Variants in XPNPEP3 observed in about 807,000 individuals in gnomAD.
XPNPEP3 encodes the protein xaa-Pro aminopeptidase 3.
Under a neutral mutation model 60.0 loss-of-function variants are expected in XPNPEP3, and 41 were observed. The ratio of observed to expected loss-of-function variants is 0.68; its 90% CI spans 0.53 to 0.89. The LOEUF (loss-of-function observed/expected upper bound fraction) is 0.89, where lower values mean the gene tolerates loss of function less well. Ranked by LOEUF, XPNPEP3 falls within the 40% of genes least tolerant of loss-of-function variation. The pLI is 0.00. For missense variants in XPNPEP3, 598 were observed against 638.9 expected (o/e 0.94, Z 0.69); for synonymous variants, 212 against 223.2 (o/e 0.95, Z 0.45).
rs1241734420 is a variant in XPNPEP3 at position 40,926,464 on chromosome 22, G to A, written c.*29G>A. 6.2e-7 allele frequency: 1 copy of A among 1,613,648 alleles called. No homozygotes were observed. The highest frequency in any genetic ancestry group is 8.5e-7 in the Non-Finnish European group (1 of 1,179,912). On this transcript the variant is annotated 3_prime_UTR_variant, in exon 10 of 10. Coordinates refer to ENST00000357137, the MANE Select transcript of XPNPEP3 (RefSeq NM_022098.4). ...TCACTGCGGCCCACATGCACCTCAG[G>A]TTCAAAATGGGTGTCTTCTGGCAGC...
Position 40,869,114 on chromosome 22 carries a change from A to C in XPNPEP3, c.180A>C (p.Pro60=). ...SPFTHPHLLR[P]GEVTPGLSQV... ...TTACACACCCACACCTCCTCAGACCAGGTAAGGCCTTTTAACTGTGCTATC... is the reference window on the plus strand; with the variant it reads ...TTACACACCCACACCTCCTCAGACCCGGTAAGGCCTTTTAACTGTGCTATC... Residue 60 remains proline, a splice_region_variant and synonymous_variant, in exon 2 of 10, where the codon CCA becomes CCC. Coordinates refer to ENST00000357137, the MANE Select transcript of XPNPEP3 (RefSeq NM_022098.4). The C allele has an allele frequency of 6.2e-7, 1 of 1,613,066 alleles. No individual in the cohort carries two copies. Among genetic ancestry groups the C allele is most frequent in the Middle Eastern group, 1.6e-4 (1 of 6,062 alleles).
chr22:40,886,423 CG>C lies in XPNPEP3; in HGVS notation c.704del (p.Gly235ValfsTer5). On this transcript the variant is annotated frameshift_variant, in exon 4 of 10. Transcript: ENST00000357137. LOFTEE classifies it high-confidence loss of function. The stretch of plus-strand genomic sequence containing the variant: ...CAAAGCCAAGAGCAAGAACAAGGTT[CG>C]GGGTGTTCAGCAGCTGATACAGCGC... ...EAKAKSKNKV[R>X]GVQQLIQRLR... 6.2e-7 allele frequency: 1 copy of C among 1,614,158 alleles called. No homozygotes were observed. The highest frequency in any genetic ancestry group is 1.3e-5 in the African/African-American group (1 of 75,050).
At chr22:40,914,093 G>T (rs2058186291) in intron 6 of XPNPEP3, 146 bp from the exon 7 acceptor site, 4 of 677,736 alleles carry the variant, frequency 5.9e-6, no homozygotes, top group Non-Finnish European at 1.0e-5. Flanking sequence ...GGTGAGCTGA[G>T]ATCACACCAT....
intron 4 of XPNPEP3, among the ~76,000 whole-genome samples, chr22:40,905,584 T>C (rs1199807950): frequency 6.6e-6 from 1 of 152,034 alleles, no homozygotes; most frequent in Non-Finnish European, 1.5e-5. Context: ...TGAAGAAAAG[T>C]GAAGCAGTGA....
rs1459206581 is a variant in XPNPEP3, at chr22:40,931,268, A to T, written c.*4833A>T. 6.6e-6 allele frequency: 1 copy of T among 152,228 alleles called. No homozygotes were observed. The highest frequency in any genetic ancestry group is 6.5e-5 in the Admixed American group (1 of 15,270). 9.4% of individuals were successfully genotyped at this position (152,228 alleles called of 1,614,324 possible). A position where few individuals can be genotyped will look rare whatever the true frequency, so the allele number is the denominator to read the frequency against. ...ATTTTTCTCCCTGAATTGAAGATAC[A>T]TGGTTAGATCATTAACAATACCACC... On this transcript the variant is annotated 3_prime_UTR_variant, in exon 10 of 10. Transcript: ENST00000357137.
At position 40,857,186 on chromosome 22, in the gene XPNPEP3, C is replaced by T. The variant is rs377764348; in HGVS notation, c.5C>T (p.Pro2Leu). Residue 2 changes from proline (P) to leucine (L), a missense_variant, in exon 1 of 10, where the codon CCT becomes CTT. Coordinates refer to ENST00000357137, the MANE Select transcript of XPNPEP3 (RefSeq NM_022098.4). ...CGACGCGTGAGTTAGGCCGTAATGC[C>T]TTGGCTGCTCTCAGCCCCCAAGCTG... M[P>L]WLLSAPKLVP... The T allele has an allele frequency of 9.3e-6, 15 of 1,614,078 alleles. No homozygotes were observed. The highest frequency in any genetic ancestry group is 1.3e-5 in the African/African-American group (1 of 74,938).
chr22:40,875,404 A>G (rs926445983), intron 2 of XPNPEP3, among the ~76,000 whole-genome samples: 21 of 152,166 alleles, frequency 1.4e-4, no homozygotes, highest in African/African-American at 4.3e-4. Context: ...ATTTTTTTAA[A>G]TCACTGTATT....
chr22:40,894,427 G>T (rs897436709), intron 4 of XPNPEP3, among the ~76,000 whole-genome samples: 1 of 151,744 alleles, frequency 6.6e-6, no homozygotes, highest in African/African-American at 2.4e-5. Flanking sequence ...TTTGATATAC[G>T]TATGCATAAT....
chr22:40,916,676 A>G (rs1478680496), intron 7 of XPNPEP3, among the ~76,000 whole-genome samples: 1 of 152,232 alleles, frequency 6.6e-6, no homozygotes, highest in Non-Finnish European at 1.5e-5. Context: ...CAAGGAAATG[A>G]AAAGAGGTGG....
chr22:40,903,571 A>G (rs1362565554), intron 4 of XPNPEP3, among the ~76,000 whole-genome samples: 1 of 151,242 alleles, frequency 6.6e-6, no homozygotes, highest in Non-Finnish European at 1.5e-5. Context: ...GCTCACTGCA[A>G]CCTCCGCCTC....
intron 3 of XPNPEP3, among the ~76,000 whole-genome samples, chr22:40,882,388 G>A (rs560895521): frequency 2.2e-4 from 33 of 152,300 alleles, no homozygotes; most frequent in African/African-American, 7.0e-4. Flanking sequence ...CGTAATCCCA[G>A]CACTTTGGGA....
chr22:40,922,289 A>G (rs752299116), intron 7 of XPNPEP3, 44 bp from the exon 8 acceptor site: 9 of 1,610,530 alleles, frequency 5.6e-6, no homozygotes, highest in South Asian at 1.1e-5. Context: ...TTCTTAGAAT[A>G]TCAGATTATC....
chr22:40,886,195 T>C, intron 3 of XPNPEP3, 118 bp from the exon 4 acceptor site: 2 of 989,734 alleles, frequency 2.0e-6, no homozygotes, highest in Non-Finnish European at 3.2e-6. Flanking sequence ...CTCAACACTT[T>C]AGAGTTCCAC....
At chr22:40,912,530 C>G (rs757694025) in intron 6 of XPNPEP3, among the ~76,000 whole-genome samples, 3 of 151,982 alleles carry the variant, frequency 2.0e-5, no homozygotes, top group Non-Finnish European at 4.4e-5. Flanking sequence ...TTTGCCTTTT[C>G]TCCTTACTGT....
chr22:40,866,927 A>G (rs1438572745), intron 1 of XPNPEP3, among the ~76,000 whole-genome samples: 2 of 152,196 alleles, frequency 1.3e-5, no homozygotes, highest in African/African-American at 4.8e-5. Flanking sequence ...TTAACTTTTT[A>G]TATTCTGAAA....
chr22:40,861,293 T>G, intron 1 of XPNPEP3: 1 of 1,614,194 alleles, frequency 6.2e-7, no homozygotes, highest in Non-Finnish European at 8.5e-7. Context: ...TGCATTCTTT[T>G]GCAAAGCCCT....
chr22:40,918,242 C>T (rs35188123), intron 7 of XPNPEP3, among the ~76,000 whole-genome samples: 5,047 of 151,998 alleles, frequency 0.033, 118 homozygotes, highest in Non-Finnish European at 0.054. Context: ...ACTATGGTGG[C>T]GCACACCTGT....
chr22:40,902,937 C>T (rs2058140381), intron 4 of XPNPEP3, among the ~76,000 whole-genome samples: 1 of 152,174 alleles, frequency 6.6e-6, no homozygotes, highest in African/African-American at 2.4e-5. Flanking sequence ...GTGATGAATG[C>T]CCAGAACACC....
At chr22:40,863,881 A>G in intron 1 of XPNPEP3, among the ~76,000 whole-genome samples, 1 of 152,186 alleles carries the variant, frequency 6.6e-6, no homozygotes, top group East Asian at 1.9e-4. Flanking sequence ...TCAAGTTCTC[A>G]TTCCACTCTA....
Sources: allele counts gnomAD v4.1 joint callset (sites outside exome capture counted in the v4.1 genomes callset), GRCh38; gene constraint gnomAD v4.1.1; transcripts MANE v1.5; gene names NCBI Gene and HGNC (gene_info 2026-07-23, HGNC 2026-07-21).